The following ANKRD11 variants were observed in gnomAD, a reference collection of about 807,000 sequenced individuals.
ANKRD11 encodes ankyrin repeat domain 11.
A neutral mutation model predicts 195.7 loss-of-function variants in ANKRD11; 17 were observed. The ratio of observed to expected loss-of-function variants is 0.09; its 90% CI spans 0.06 to 0.13. The LOEUF is 0.13. ANKRD11 is among the 10% of genes least tolerant of loss of function. The pLI is 1.00. For synonymous variants in ANKRD11, 1,953 were observed against 1,528.1 expected (o/e 1.28, Z -6.49); for missense variants, 3,735 against 3,566.1 (o/e 1.05, Z -1.21).
intron 1 of ANKRD11, among the ~76,000 whole-genome samples, chr16:89,449,759 C>G (rs916778766): frequency 6.6e-6 from 1 of 152,148 alleles, no homozygotes; most frequent in Non-Finnish European, 1.5e-5. Context: ...TGTCACTGCA[C>G]TCCAGCCTGG....
chr16:89,474,007 C>T (rs1448125679), intron 1 of ANKRD11, among the ~76,000 whole-genome samples: 1 of 152,194 alleles, frequency 6.6e-6, no homozygotes, highest in Non-Finnish European at 1.5e-5. Context: ...TGCCAAGCTG[C>T]AAGGGGCCAT....
At position 89,317,057 on chromosome 16, in the gene ANKRD11, G is replaced by A. The variant is rs1258796963; in HGVS notation, c.-38C>T. The A allele has an allele frequency of 1.9e-6, 3 of 1,595,348 alleles. No individual in the cohort carries two copies. The South Asian group carries it at 3.4e-5, about 18-fold the overall frequency. ...CACCCGATCTTCATTTACACGGCCGGCGCTTCATCATCAACCGTCTGCTTC... is the reference window on the plus strand; with the variant it reads ...CACCCGATCTTCATTTACACGGCCGACGCTTCATCATCAACCGTCTGCTTC... On this transcript the variant is annotated 5_prime_UTR_variant, in exon 3 of 13. Transcript: ENST00000301030.
chr16:89,471,150 G>A (rs996028560), intron 1 of ANKRD11, among the ~76,000 whole-genome samples: 1 of 152,014 alleles, frequency 6.6e-6, no homozygotes, highest in Non-Finnish European at 1.5e-5. Context: ...CTCAGAAGCT[G>A]GAGATCAGCC....
intron 4 of ANKRD11, among the ~76,000 whole-genome samples, chr16:89,304,543 C>G (rs542350876): frequency 6.6e-6 from 1 of 151,244 alleles, no homozygotes; most frequent in East Asian, 1.9e-4. Context: ...TGGGTACACA[C>G]AAGCACATAC....
chr16:89,326,992 TG>T (rs2037764145), intron 2 of ANKRD11, among the ~76,000 whole-genome samples: 2 of 139,150 alleles, frequency 1.4e-5, no homozygotes, highest in South Asian at 4.6e-4. Context: ...AATGCAGAGG[TG>T]GGGAATGCAG....
At chr16:89,327,795 G>GA (rs1320472215) in intron 2 of ANKRD11, among the ~76,000 whole-genome samples, 2 of 152,098 alleles carry the variant, frequency 1.3e-5, no homozygotes, top group Admixed American at 6.6e-5. Flanking sequence ...CACATTTTAG[G>GA]AAAAAACAGG....
chr16:89,486,447 C>CA (rs113833196), intron 1 of ANKRD11, among the ~76,000 whole-genome samples: 7,909 of 103,212 alleles, frequency 0.077, 571 homozygotes, highest in African/African-American at 0.22. Flanking sequence ...GACCCTGCCT[C>CA]AAAAAAAAAA....
At chr16:89,331,660 G>A (rs957232552) in intron 2 of ANKRD11, among the ~76,000 whole-genome samples, 5 of 152,128 alleles carry the variant, frequency 3.3e-5, no homozygotes, top group South Asian at 2.1e-4. Context: ...CTCCTCTGTC[G>A]CCCAGGCTGC....
rs1421944429 is a variant in ANKRD11 at position 89,305,720 on chromosome 16, C to A, written c.88-376G>T. Among the ~76,000 whole-genome samples, 63 of 48,412 alleles carry A rather than the reference C, an allele frequency of 1.3e-3. 2 individuals are homozygous for A. The highest frequency in any genetic ancestry group is 2.1e-3 in the East Asian group (3 of 1,446). 31.8% of individuals were successfully genotyped at this position (48,412 alleles called of 152,430 possible). A position where few individuals can be genotyped will look rare whatever the true frequency, so the allele number is the denominator to read the frequency against. ...CCCACTCCGCAGACACGCGCCACCT[C>A]CCACTCCGCAGACACGCGCCACCTA... is the stretch of plus-strand genomic sequence containing the variant. On this transcript the variant is annotated intron_variant, in intron 3 of 12. Coordinates refer to ENST00000301030, the MANE Select transcript of ANKRD11 (RefSeq NM_013275.6).
chr16:89,460,356 A>G (rs1301087822), intron 1 of ANKRD11, among the ~76,000 whole-genome samples: 2 of 152,088 alleles, frequency 1.3e-5, no homozygotes, highest in African/African-American at 4.8e-5. Context: ...TCAGGAGTTC[A>G]AGACCAGCCT....
intron 11 of ANKRD11, 151 bp downstream of exon 11, chr16:89,274,663 G>A (rs2033485632): frequency 2.5e-6 from 3 of 1,197,254 alleles, no homozygotes; most frequent in Non-Finnish European, 3.6e-6. Context: ...GCTCGCCCAA[G>A]GCTAGAGGCA....
intron 1 of ANKRD11, among the ~76,000 whole-genome samples, chr16:89,463,874 A>G (rs939166866): frequency 6.6e-6 from 1 of 152,170 alleles, no homozygotes; most frequent in Non-Finnish European, 1.5e-5. Context: ...CAAAACACCT[A>G]TGGTGGAAGT....
intron 1 of ANKRD11, among the ~76,000 whole-genome samples, chr16:89,473,966 GCAGAAGACTCTT>G (rs1343295729): frequency 1.3e-5 from 2 of 152,214 alleles, no homozygotes; most frequent in African/African-American, 4.8e-5. Context: ...GTCTACTGAA[GCAGAAGACTCTT>G]TGCTGTTTTG....
intron 1 of ANKRD11, among the ~76,000 whole-genome samples, chr16:89,485,156 C>G (rs1223001831): frequency 6.6e-6 from 1 of 152,134 alleles, no homozygotes; most frequent in Non-Finnish European, 1.5e-5. Context: ...TGAAAACCCT[C>G]TTAACCCTTT....
intron 2 of ANKRD11, among the ~76,000 whole-genome samples, chr16:89,405,389 T>G (rs2041864597): frequency 6.6e-6 from 1 of 151,924 alleles, no homozygotes; most frequent in African/African-American, 2.4e-5. Context: ...AGTGGTGTGA[T>G]ATGAGCTCAC....
At position 89,418,358 on chromosome 16, in the gene ANKRD11, C is replaced by G; in HGVS notation, c.-134G>C. The G allele has an allele frequency of 2.2e-6, 1 of 449,744 alleles. No homozygotes were observed. Among genetic ancestry groups the G allele is most frequent in the South Asian group, 1.6e-5 (1 of 63,784 alleles). The allele number at this position is 449,744 out of a possible 1,614,324, so 27.9% of individuals were successfully genotyped here. On this transcript the variant is annotated 5_prime_UTR_variant, in exon 2 of 13. Coordinates refer to ENST00000301030, the MANE Select transcript of ANKRD11 (RefSeq NM_013275.6). ...AATGGAGGTGTGTCCCAGAGCAGGG[C>G]TGTATATATTCTGAAACAAGAGAGT... is the stretch of plus-strand genomic sequence containing the variant.
intron 2 of ANKRD11, chr16:89,324,349 AGAGGGAAAAAGCCAG>A (rs1206235554): frequency 9.2e-7 from 1 of 1,086,764 alleles, no homozygotes; most frequent in Non-Finnish European, 1.2e-6. Flanking sequence ...GCCTCACAGA[AGAGGGAAAAAGCCAG>A]GAGGGCGGCA....
intron 2 of ANKRD11, among the ~76,000 whole-genome samples, chr16:89,375,425 G>A (rs558949602): frequency 1.4e-4 from 21 of 151,840 alleles, no homozygotes; most frequent in African/African-American, 4.6e-4. Context: ...GTGACAAGCC[G>A]CTGCGCTCCC....
At chr16:89,337,879 G>A (rs909120873) in intron 2 of ANKRD11, among the ~76,000 whole-genome samples, 1 of 152,210 alleles carries the variant, frequency 6.6e-6, no homozygotes, top group Non-Finnish European at 1.5e-5. Context: ...GTGGTCTTCA[G>A]TCTACTGTGT....
Sources: allele counts gnomAD v4.1 joint callset (sites outside exome capture counted in the v4.1 genomes callset), GRCh38; gene constraint gnomAD v4.1.1; transcripts MANE v1.5; gene names NCBI Gene and HGNC (gene_info 2026-07-23, HGNC 2026-07-21).